Variants in SPATA17 observed in about 807,000 individuals in gnomAD.
The protein encoded by SPATA17 is spermatogenesis-associated protein 17.
SPATA17 carries 53 observed loss-of-function variants against 62.2 expected under a neutral mutation model. The observed-to-expected ratio is 0.85, with a 90% confidence interval of 0.68 to 1.07. The LOEUF (loss-of-function observed/expected upper bound fraction) is 1.07. Among genes scored for constraint, SPATA17 ranks in the 50% least tolerant of loss-of-function variants. The pLI is 0.00. For missense variants in SPATA17, 466 were observed against 425.5 expected, an observed-to-expected ratio of 1.10 and a Z score of -0.84; for synonymous variants, 146 against 146.8, an observed-to-expected ratio of 0.99 and a Z score of 0.04.
chr1:217,654,924 A>C (rs1246078330), intron 3 of SPATA17, among the ~76,000 whole-genome samples: 3 of 152,046 alleles, frequency 2.0e-5, no homozygotes, highest in Non-Finnish European at 4.4e-5. Context: ...TGTTAGCCAG[A>C]TGGTCTCAAT....
At chr1:217,651,674 A>C (rs1189157893) in intron 3 of SPATA17, among the ~76,000 whole-genome samples, 3 of 152,204 alleles carry the variant, frequency 2.0e-5, no homozygotes, top group Admixed American at 6.5e-5. Flanking sequence ...ATAAGGTTTA[A>C]ATAATTTAAT....
In SPATA17 at chr1:217,755,242, C is replaced by T. The variant is rs183277002; in HGVS notation, c.519+13144C>T. Among the ~76,000 whole-genome samples the T allele has an allele frequency of 2.6e-5, 4 of 152,028 alleles. No individual in the cohort carries two copies. In the East Asian group the frequency reaches 5.8e-4, roughly 22 times the overall value. ...AATGTCAGACAGGTTTTCTGTAAAA[C>T]GAATAATCTTGTCAATTGCTGTCTC... On this transcript the variant is annotated intron_variant, in intron 6 of 10. Transcript: ENST00000366933.
intron 6 of SPATA17, among the ~76,000 whole-genome samples, chr1:217,764,013 C>T (rs1673239755): frequency 6.6e-6 from 1 of 152,166 alleles, no homozygotes; most frequent in South Asian, 2.1e-4. Context: ...CCCTTCCCCA[C>T]TGTCAACATC....
intron 9 of SPATA17, among the ~76,000 whole-genome samples, chr1:217,814,429 TGTG>T (rs1243547615): frequency 2.0e-5 from 3 of 152,154 alleles, no homozygotes; most frequent in African/African-American, 7.2e-5. Context: ...AGCTGTACAC[TGTG>T]GTGGAGGACA....
chr1:217,769,864 C>T (rs1274270782), intron 6 of SPATA17, among the ~76,000 whole-genome samples: 3 of 152,136 alleles, frequency 2.0e-5, no homozygotes, highest in African/African-American at 7.2e-5. Context: ...CCTTTTAGTT[C>T]TTAGCAAGAG....
At chr1:217,663,337 C>T (rs1670612046) in intron 3 of SPATA17, among the ~76,000 whole-genome samples, 1 of 151,244 alleles carries the variant, frequency 6.6e-6, no homozygotes, top group Non-Finnish European at 1.5e-5. Flanking sequence ...CCCAGCCACT[C>T]GGGAGGCTGA....
chr1:217,768,921 C>A (rs1485779480), intron 6 of SPATA17, among the ~76,000 whole-genome samples: 2 of 152,144 alleles, frequency 1.3e-5, no homozygotes, highest in Non-Finnish European at 2.9e-5. Flanking sequence ...ATGTAATAGT[C>A]AATCACAAAA....
At chr1:217,663,506 G>A (rs566064043) in intron 3 of SPATA17, among the ~76,000 whole-genome samples, 13 of 151,258 alleles carry the variant, frequency 8.6e-5, no homozygotes, top group African/African-American at 2.9e-4. Context: ...AGCAAACAAG[G>A]CAAAGCATAT....
chr1:217,741,899 A>G, intron 5 of SPATA17, 76 bp from the exon 6 acceptor site: 3 of 1,573,530 alleles, frequency 1.9e-6, no homozygotes, highest in Non-Finnish European at 2.6e-6. Context: ...CCTCAAAAAA[A>G]CTGATTTATC....
At chr1:217,660,579 G>A (rs182750561) in intron 3 of SPATA17, among the ~76,000 whole-genome samples, 43 of 152,262 alleles carry the variant, frequency 2.8e-4, no homozygotes, top group African/African-American at 8.7e-4. Flanking sequence ...TCATCCCACC[G>A]ATGTGGGGCT....
intron 8 of SPATA17, among the ~76,000 whole-genome samples, chr1:217,786,801 C>A (rs1248948708): frequency 6.7e-6 from 1 of 150,260 alleles, no homozygotes; most frequent in African/African-American, 2.5e-5. Context: ...TCTTCTTCTT[C>A]TTCTTCTTCT....
chr1:217,749,369 T>C (rs1332259692), intron 6 of SPATA17, among the ~76,000 whole-genome samples: 6 of 152,190 alleles, frequency 3.9e-5, no homozygotes, highest in Non-Finnish European at 8.8e-5. Flanking sequence ...GCACTGAATA[T>C]TACATTTATG....
At chr1:217,819,787 TG>T (rs1354787954) in intron 9 of SPATA17, among the ~76,000 whole-genome samples, 1 of 152,030 alleles carries the variant, frequency 6.6e-6, no homozygotes, top group Non-Finnish European at 1.5e-5. Flanking sequence ...TTGTGTTCCT[TG>T]ATAATATTAT....
At chr1:217,776,560 G>A (rs886094563) in intron 7 of SPATA17, among the ~76,000 whole-genome samples, 54 of 151,638 alleles carry the variant, frequency 3.6e-4, no homozygotes, top group African/African-American at 1.3e-3. Context: ...TCAGCCAGGT[G>A]AGGCACAGTG....
chr1:217,769,546 G>A (rs1029731980), intron 6 of SPATA17, among the ~76,000 whole-genome samples: 7 of 152,204 alleles, frequency 4.6e-5, no homozygotes, highest in South Asian at 2.1e-4. Flanking sequence ...TCTTGGAAGA[G>A]CTCCAAATGA....
intron 5 of SPATA17, among the ~76,000 whole-genome samples, chr1:217,703,167 G>T (rs999013358): frequency 1.8e-5 from 2 of 108,434 alleles, no homozygotes. Context: ...GAGCCATTGC[G>T]CTCGGCCTTT....
intron 9 of SPATA17, among the ~76,000 whole-genome samples, chr1:217,815,944 T>A (rs1383301757): frequency 1.3e-5 from 2 of 152,124 alleles, no homozygotes; most frequent in Admixed American, 1.3e-4. Flanking sequence ...CATAGAGTGA[T>A]TGCATAGTAT....
chr1:217,807,232 A>C (rs1404685078), intron 9 of SPATA17, among the ~76,000 whole-genome samples: 1 of 144,434 alleles, frequency 6.9e-6, no homozygotes. Flanking sequence ...GATGGAAACA[A>C]TAGATACTGG....
At chr1:217,787,791 G>C (rs1673905693) in intron 8 of SPATA17, among the ~76,000 whole-genome samples, 1 of 151,876 alleles carries the variant, frequency 6.6e-6, no homozygotes, top group African/African-American at 2.4e-5. Context: ...CCTTTCTTGT[G>C]TATCTGTCCA....
Sources: allele counts gnomAD v4.1 joint callset (sites outside exome capture counted in the v4.1 genomes callset), GRCh38; gene constraint gnomAD v4.1.1; transcripts MANE v1.5; gene names NCBI Gene and HGNC (gene_info 2026-07-23, HGNC 2026-07-21).